Variants in GRID2 observed in about 807,000 individuals in gnomAD.
GRID2 encodes the protein glutamate ionotropic receptor delta type subunit 2.
A neutral mutation model predicts 114.8 loss-of-function variants in GRID2; 33 were observed. The ratio of observed to expected loss-of-function variants is 0.29; its 90% CI spans 0.22 to 0.38. The LOEUF (loss-of-function observed/expected upper bound fraction) is 0.38. Ranked by LOEUF, GRID2 falls within the 10% of genes least tolerant of loss-of-function variation. GRID2 has a pLI of 1.00. For synonymous variants in GRID2, 505 were observed against 449.9 expected (o/e 1.12, Z -1.55); for missense variants, 1,184 against 1,257.7 (o/e 0.94, Z 0.89).
At chr4:93,723,932 T>G (rs1384294147) in intron 14 of GRID2, among the ~76,000 whole-genome samples, 2 of 152,220 alleles carry the variant, frequency 1.3e-5, no homozygotes, top group Non-Finnish European at 2.9e-5. Flanking sequence ...TTTGTTTCTT[T>G]AAAGGGAGAG....
At chr4:92,783,599 A>G (rs1739185285) in intron 2 of GRID2, among the ~76,000 whole-genome samples, 1 of 152,066 alleles carries the variant, frequency 6.6e-6, no homozygotes, top group Non-Finnish European at 1.5e-5. Flanking sequence ...CAAATACACA[A>G]AAGGCCAGAG....
At chr4:92,345,876 A>G (rs1727738115) in intron 1 of GRID2, among the ~76,000 whole-genome samples, 1 of 152,172 alleles carries the variant, frequency 6.6e-6, no homozygotes, top group African/African-American at 2.4e-5. Flanking sequence ...TTAACCCCAT[A>G]ATCAGCATAT....
Position 92,304,692 on chromosome 4 carries a change from C to T in GRID2, c.36C>T (p.Val12=), listed in dbSNP as rs781528192. 14 of 1,613,474 alleles carry T rather than the reference C, an allele frequency of 8.7e-6. No homozygotes were observed. The African/African-American group carries it at 1.5e-4, about 17-fold the overall frequency. Residue 12 remains valine (V), a synonymous_variant, in exon 1 of 16, where the codon GTC becomes GTT. Coordinates refer to ENST00000282020, the MANE Select transcript of GRID2 (RefSeq NM_001510.4). ...TCCCCTTTCTCTTGGTTTTGTCCGT[C>T]TGGTGGTCTCGAACCTGGGACTCGG... ...EVFPFLLVLS[V]WWSRTWDSAN... is the part of the protein sequence containing the mutation.
At chr4:92,726,825 G>T (rs537392197) in intron 2 of GRID2, among the ~76,000 whole-genome samples, 47 of 152,080 alleles carry the variant, frequency 3.1e-4, no homozygotes, top group Non-Finnish European at 4.6e-4. Flanking sequence ...TGGTGCTCCT[G>T]TCTAGAATCA....
At chr4:93,284,907 A>T (rs1038938200) in intron 8 of GRID2, among the ~76,000 whole-genome samples, 2 of 152,038 alleles carry the variant, frequency 1.3e-5, no homozygotes, top group African/African-American at 4.8e-5. Flanking sequence ...TACTCAATAA[A>T]TATTGGATGA....
intron 1 of GRID2, among the ~76,000 whole-genome samples, chr4:92,556,291 T>C (rs1244419278): frequency 6.6e-6 from 1 of 152,098 alleles, no homozygotes. Context: ...TGATTCTTCC[T>C]TTACCAGACA....
chr4:93,425,788 C>T (rs1387500423), intron 10 of GRID2, among the ~76,000 whole-genome samples: 1 of 152,130 alleles, frequency 6.6e-6, no homozygotes, highest in Non-Finnish European at 1.5e-5. Context: ...TGAGCTCTGT[C>T]GACCCCATCC....
intron 2 of GRID2, among the ~76,000 whole-genome samples, chr4:93,056,333 C>T (rs1476101313): frequency 6.6e-6 from 1 of 151,756 alleles, no homozygotes; most frequent in African/African-American, 2.4e-5. Context: ...GGAGGAAGAA[C>T]CACACTGATC....
intron 2 of GRID2, among the ~76,000 whole-genome samples, chr4:92,947,999 A>G (rs528907617): frequency 1.3e-5 from 2 of 152,016 alleles, no homozygotes; most frequent in South Asian, 4.1e-4. Flanking sequence ...TGAAGGTGGC[A>G]CAAATTTAGC....
At chr4:92,665,304 C>T (rs1433171373) in intron 2 of GRID2, among the ~76,000 whole-genome samples, 1 of 149,310 alleles carries the variant, frequency 6.7e-6, no homozygotes, top group African/African-American at 2.5e-5. Context: ...AAAAAAAAAC[C>T]TCTGCTCCTT....
At position 93,602,318 on chromosome 4, in the gene GRID2, G is replaced by C. The variant is rs191110150; in HGVS notation, c.2194-23951G>C. On this transcript the variant is annotated intron_variant, in intron 13 of 15. Transcript: ENST00000282020. ...TACCTGTATAGTCAGTCTAAAAAAA[G>C]TTGTCTGCCCTAAAGCTGCTTTTGA... is the stretch of plus-strand genomic sequence containing the variant. Among the ~76,000 whole-genome samples, 173 of 152,238 alleles carry C rather than the reference G, an allele frequency of 1.1e-3. 1 individual carries two copies. Among genetic ancestry groups the C allele is most frequent in the African/African-American group, 4.0e-3 (167 of 41,546 alleles).
chr4:93,065,254 G>C (rs1728199005), intron 2 of GRID2, among the ~76,000 whole-genome samples: 1 of 151,754 alleles, frequency 6.6e-6, no homozygotes, highest in African/African-American at 2.4e-5. Flanking sequence ...ATATTTAAAA[G>C]TTATCTCATT....
chr4:92,595,719 A>G (rs538248776), intron 2 of GRID2, among the ~76,000 whole-genome samples: 1 of 152,238 alleles, frequency 6.6e-6, no homozygotes, highest in African/African-American at 2.4e-5. Flanking sequence ...TAGTTATAAA[A>G]ATACATACAT....
At chr4:92,739,060 A>T (rs959204465) in intron 2 of GRID2, among the ~76,000 whole-genome samples, 1 of 152,194 alleles carries the variant, frequency 6.6e-6, no homozygotes, top group Non-Finnish European at 1.5e-5. Flanking sequence ...AGAACAAAAG[A>T]GTAGCAAATA....
intron 2 of GRID2, among the ~76,000 whole-genome samples, chr4:92,808,806 A>C (rs1325346811): frequency 6.6e-6 from 1 of 150,786 alleles, no homozygotes; most frequent in African/African-American, 2.4e-5. Flanking sequence ...TTTTTTTACT[A>C]TTTTATTCCC....
chr4:92,704,525 A>G (rs1320634899), intron 2 of GRID2, among the ~76,000 whole-genome samples: 2 of 152,184 alleles, frequency 1.3e-5, no homozygotes, highest in African/African-American at 4.8e-5. Context: ...TCTATCCATT[A>G]TTTTACATAA....
chr4:93,509,613 G>A (rs1317738686), intron 12 of GRID2, among the ~76,000 whole-genome samples: 2 of 152,088 alleles, frequency 1.3e-5, no homozygotes, highest in South Asian at 2.1e-4. Flanking sequence ...TTTTGGAGAA[G>A]TTTAAATAAT....
intron 1 of GRID2, among the ~76,000 whole-genome samples, chr4:92,584,859 C>T (rs7690138): frequency 0.38 from 57,697 of 151,740 alleles, 10,961 homozygotes; most frequent in Middle Eastern, 0.46. Context: ...CATCTTGTAA[C>T]CTTTGGCTGT....
intron 8 of GRID2, among the ~76,000 whole-genome samples, chr4:93,377,981 T>C (rs1763524874): frequency 6.6e-6 from 1 of 152,160 alleles, no homozygotes. Flanking sequence ...GTCAAAAAAT[T>C]GTAAAATGTC....
Sources: allele counts gnomAD v4.1 joint callset (sites outside exome capture counted in the v4.1 genomes callset), GRCh38; gene constraint gnomAD v4.1.1; transcripts MANE v1.5; gene names NCBI Gene and HGNC (gene_info 2026-07-23, HGNC 2026-07-21).